The following KCNN2 variants were observed in gnomAD, a reference collection of about 807,000 sequenced individuals.
KCNN2 encodes small conductance calcium-activated potassium channel protein 2.
KCNN2 carries 24 observed loss-of-function variants against 55.5 expected under a neutral mutation model. The observed-to-expected ratio is 0.43, with a 90% CI of 0.31 to 0.61. KCNN2 has a LOEUF of 0.61. KCNN2 is among the 20% of genes least tolerant of loss of function. The pLI is 0.08. For synonymous variants in KCNN2, 431 were observed against 336.1 expected (o/e 1.28, Z -3.09); for missense variants, 754 against 853.6 (o/e 0.88, Z 1.45).
chr5:114,233,904 A>G lies in KCNN2; in HGVS notation c.-185+12339A>G, dbSNP rs149889886. On this transcript the variant is annotated intron_variant, in intron 2 of 10. Transcript: ENST00000512097. ...TCTTGCATTATTTTAGTTTTGTCCC[A>G]TTCTTTTGAGTTCTGAGATGACACT... Among the ~76,000 whole-genome samples the G allele has an allele frequency of 2.8e-3, 431 of 152,010 alleles. 1 individual carries two copies. Among genetic ancestry groups the G allele is most frequent in the African/African-American group, 1.0e-2 (414 of 41,474 alleles).
chr5:114,176,476 T>G (rs886811129), intron 1 of KCNN2, among the ~76,000 whole-genome samples: 7 of 152,162 alleles, frequency 4.6e-5, no homozygotes, highest in African/African-American at 1.7e-4. Flanking sequence ...TAAAACATTT[T>G]ATTCATGGGC....
At chr5:114,422,391 A>G (rs1759497327) in intron 3 of KCNN2, among the ~76,000 whole-genome samples, 1 of 152,148 alleles carries the variant, frequency 6.6e-6, no homozygotes, top group Non-Finnish European at 1.5e-5. Context: ...GGACACAGAG[A>G]GAAGGTGATT....
At chr5:114,366,943 G>C (rs1470417932) in intron 2 of KCNN2, among the ~76,000 whole-genome samples, 1 of 152,192 alleles carries the variant, frequency 6.6e-6, no homozygotes, top group Non-Finnish European at 1.5e-5. Flanking sequence ...ATGATAATCA[G>C]ATAGTAAAAG....
At chr5:114,327,286 A>T (rs1362209726) in intron 2 of KCNN2, among the ~76,000 whole-genome samples, 2 of 152,212 alleles carry the variant, frequency 1.3e-5, no homozygotes, top group African/African-American at 4.8e-5. Flanking sequence ...ACTCAAAATC[A>T]ATATTTAGGA....
chr5:114,112,860 T>A (rs1751629307), intron 1 of KCNN2, among the ~76,000 whole-genome samples: 1 of 152,110 alleles, frequency 6.6e-6, no homozygotes, highest in African/African-American at 2.4e-5. Flanking sequence ...TGTTTCTACA[T>A]GCTAATGGGA....
At chr5:114,425,843 C>G (rs1759606537) in intron 3 of KCNN2, among the ~76,000 whole-genome samples, 1 of 152,054 alleles carries the variant, frequency 6.6e-6, no homozygotes, top group Admixed American at 6.6e-5. Flanking sequence ...CATCCCTGTT[C>G]CCATGGTCAG....
intron 3 of KCNN2, among the ~76,000 whole-genome samples, chr5:114,414,839 C>T (rs974774861): frequency 2.6e-5 from 4 of 152,136 alleles, no homozygotes; most frequent in South Asian, 2.1e-4. Flanking sequence ...GTATAATTTA[C>T]GCACCGTAAA....
chr5:114,168,023 G>A (rs1316364276), intron 1 of KCNN2, among the ~76,000 whole-genome samples: 1 of 152,090 alleles, frequency 6.6e-6, no homozygotes, highest in East Asian at 1.9e-4. Flanking sequence ...CGAGTAGCAT[G>A]TGAGTAGTAT....
chr5:114,383,600 C>T (rs1758193503), intron 2 of KCNN2, among the ~76,000 whole-genome samples: 1 of 151,436 alleles, frequency 6.6e-6, no homozygotes, highest in East Asian at 2.0e-4. Context: ...TCCCAAGTAG[C>T]TGGGATTACA....
intron 2 of KCNN2, among the ~76,000 whole-genome samples, chr5:114,383,475 T>C (rs917115150): frequency 4.3e-4 from 34 of 79,138 alleles, no homozygotes; most frequent in African/African-American, 1.1e-3. Flanking sequence ...TTTTTTTTTT[T>C]TTTTTTTTTT....
intron 2 of KCNN2, among the ~76,000 whole-genome samples, chr5:114,234,503 A>G (rs1336544871): frequency 6.6e-6 from 1 of 152,178 alleles, no homozygotes; most frequent in Admixed American, 6.5e-5. Context: ...ATTATATTGA[A>G]CTAATGCAGT....
chr5:114,320,722 G>T (rs1397348256), intron 2 of KCNN2, among the ~76,000 whole-genome samples: 1 of 152,096 alleles, frequency 6.6e-6, no homozygotes, highest in Non-Finnish European at 1.5e-5. Context: ...TGCATGGTTT[G>T]TTCCTCTCCA....
chr5:114,294,206 G>A lies in KCNN2; in HGVS notation c.-184-66739G>A, dbSNP rs183921004. Reference sequence around the variant, plus strand: ...TCTCTATTTCCTTCAGTTCTGCTCCGATTTTAGTTATTTCTTGCCTTCTGC... The same window carrying A: ...TCTCTATTTCCTTCAGTTCTGCTCCAATTTTAGTTATTTCTTGCCTTCTGC... On this transcript the variant is annotated intron_variant, in intron 2 of 10. Transcript: ENST00000512097. Among the ~76,000 whole-genome samples, 710 of 152,054 alleles carry A rather than the reference G, an allele frequency of 4.7e-3. 2 individuals are homozygous for A. Among genetic ancestry groups the A allele is most frequent in the Middle Eastern group, 0.01 (3 of 294 alleles).
chr5:114,288,497 T>TACACACACACACACACAC lies in KCNN2; in HGVS notation c.-185+66933_-185+66934insCACACACACACACACACA, dbSNP rs371769820. ...TCTTTGCCATTACTTTATATATATA[T>TACACACACACACACACAC]ATACACACACACACACACACACACA... On this transcript the variant is annotated intron_variant, in intron 2 of 10. Transcript: ENST00000512097. Among the ~76,000 whole-genome samples the TACACACACACACACACAC allele has an allele frequency of 8.5e-5, 11 of 128,840 alleles. 1 individual carries two copies. The East Asian group carries it at 2.7e-3, about 31-fold the overall frequency. 84.5% of individuals were successfully genotyped at this position (128,840 alleles called of 152,430 possible).
chr5:114,152,244 T>A (rs1252200246), intron 1 of KCNN2, among the ~76,000 whole-genome samples: 1 of 152,164 alleles, frequency 6.6e-6, no homozygotes, highest in African/African-American at 2.4e-5. Flanking sequence ...TGTTTTGGGA[T>A]TCAGAAAAAT....
intron 1 of KCNN2, among the ~76,000 whole-genome samples, chr5:114,091,965 C>T (rs899524329): frequency 6.6e-6 from 1 of 152,128 alleles, no homozygotes; most frequent in African/African-American, 2.4e-5. Context: ...TGCCCCTGGC[C>T]CCTTCCAAAT....
At chr5:114,189,420 T>G (rs936674001) in intron 1 of KCNN2, among the ~76,000 whole-genome samples, 2 of 152,168 alleles carry the variant, frequency 1.3e-5, no homozygotes, top group Admixed American at 6.5e-5. Flanking sequence ...TTTAATTGAT[T>G]GGATTGAGGC....
intron 5 of KCNN2, among the ~76,000 whole-genome samples, chr5:114,474,101 A>G (rs1457042663): frequency 6.6e-6 from 1 of 152,172 alleles, no homozygotes; most frequent in Non-Finnish European, 1.5e-5. Context: ...TTACCCATAA[A>G]TGAATCAATA....
At chr5:114,227,804 A>C (rs566679238) in intron 2 of KCNN2, among the ~76,000 whole-genome samples, 69 of 152,306 alleles carry the variant, frequency 4.5e-4, no homozygotes, top group Admixed American at 7.8e-4. Flanking sequence ...CCTAAATAGC[A>C]AGGTTGCAGT....
Sources: allele counts gnomAD v4.1 joint callset (sites outside exome capture counted in the v4.1 genomes callset), GRCh38; gene constraint gnomAD v4.1.1; transcripts MANE v1.5; gene names NCBI Gene and HGNC (gene_info 2026-07-23, HGNC 2026-07-21).